The following SLC14A2 variants were observed in gnomAD, a reference collection of about 807,000 sequenced individuals.
SLC14A2 encodes the protein solute carrier family 14 member 2.
A neutral mutation model predicts 104.6 loss-of-function variants in SLC14A2; 91 were observed. The ratio of observed to expected loss-of-function variants is 0.87; its 90% CI spans 0.73 to 1.04. The LOEUF is 1.04. Among genes scored for constraint, SLC14A2 ranks in the 50% least tolerant of loss-of-function variants. The probability of loss-of-function intolerance (pLI) is 0.00; values close to 1 mark genes in which losing one functional copy is unlikely to be tolerated. For synonymous variants in SLC14A2, 476 were observed against 466.4 expected (o/e 1.02, Z -0.27); for missense variants, 1,189 against 1,156.0 (o/e 1.03, Z -0.41).
At chr18:45,621,538 A>T (rs1045213105) in intron 1 of SLC14A2, among the ~76,000 whole-genome samples, 12 of 152,320 alleles carry the variant, frequency 7.9e-5, no homozygotes, top group African/African-American at 2.9e-4. Flanking sequence ...TATGCAGAGA[A>T]GTGTTCCCTA....
At chr18:45,245,607 T>C (rs2084360994) in intron 1 of SLC14A2, among the ~76,000 whole-genome samples, 1 of 152,250 alleles carries the variant, frequency 6.6e-6, no homozygotes, top group Non-Finnish European at 1.5e-5. Flanking sequence ...ACTTGGCCTT[T>C]ACTTTCTGGT....
intron 1 of SLC14A2, among the ~76,000 whole-genome samples, chr18:45,427,431 T>A (rs2086450292): frequency 6.6e-6 from 1 of 152,148 alleles, no homozygotes; most frequent in Admixed American, 6.6e-5. Flanking sequence ...TGCCAGTGTT[T>A]CCCTTGAAGA....
intron 1 of SLC14A2, among the ~76,000 whole-genome samples, chr18:45,369,932 T>C (rs2085704675): frequency 6.6e-6 from 1 of 152,166 alleles, no homozygotes; most frequent in Admixed American, 6.5e-5. Context: ...AAATGTGTAT[T>C]GGTAGATATT....
intron 1 of SLC14A2, among the ~76,000 whole-genome samples, chr18:45,339,543 G>A (rs1237111668): frequency 6.6e-6 from 1 of 152,024 alleles, no homozygotes; most frequent in East Asian, 1.9e-4. Flanking sequence ...CTAGGGTATA[G>A]ATTAAAATGA....
intron 1 of SLC14A2, among the ~76,000 whole-genome samples, chr18:45,263,087 A>G (rs560185532): frequency 1.3e-5 from 2 of 152,318 alleles, no homozygotes; most frequent in South Asian, 4.1e-4. Context: ...CTGTTTCAGA[A>G]TCTAATCCAG....
At chr18:45,376,669 T>C (rs545463346) in intron 1 of SLC14A2, among the ~76,000 whole-genome samples, 8 of 152,260 alleles carry the variant, frequency 5.3e-5, no homozygotes, top group Admixed American at 3.3e-4. Flanking sequence ...GAGATGGTTC[T>C]CGATGGCTTT....
rs2255551 is a variant in SLC14A2 at position 45,378,766 on chromosome 18, T to C, written c.-124-104467T>C. 3.5e-3 allele frequency among the ~76,000 whole-genome samples: 525 copies of C among 151,906 alleles called. 4 individuals are homozygous for C. The highest frequency in any genetic ancestry group is 0.012 in the African/African-American group (504 of 41,288). The stretch of plus-strand genomic sequence containing the variant: ...TGCATTTTGTTTCTGATCATTGCTG[T>C]TGTTGTTGTTGTTGTTGTTTTGTTT... On this transcript the variant is annotated intron_variant, in intron 1 of 20. Transcript: ENST00000586448.
intron 2 of SLC14A2, among the ~76,000 whole-genome samples, chr18:45,599,079 T>C (rs897628748): frequency 2.0e-5 from 3 of 152,328 alleles, no homozygotes; most frequent in African/African-American, 4.8e-5. Context: ...GAGAAAGTCA[T>C]AAACATTCAA....
At chr18:45,663,936 A>ATCCC (rs1283109579) in intron 11 of SLC14A2, 29 bp downstream of exon 11, 3 of 1,589,440 alleles carry the variant, frequency 1.9e-6, no homozygotes, top group Non-Finnish European at 2.6e-6. Flanking sequence ...TCACGCTTGG[A>ATCCC]TCCCTGCCTT....
intron 1 of SLC14A2, among the ~76,000 whole-genome samples, chr18:45,214,326 G>A (rs902124348): frequency 6.6e-5 from 10 of 152,196 alleles, no homozygotes; most frequent in African/African-American, 7.2e-5. Flanking sequence ...TAAGGGGCAA[G>A]TGACGTGCAT....
At chr18:45,338,869 G>A (rs888617265) in intron 1 of SLC14A2, among the ~76,000 whole-genome samples, 4 of 152,000 alleles carry the variant, frequency 2.6e-5, no homozygotes, top group Non-Finnish European at 5.9e-5. Flanking sequence ...ATAGGGGACC[G>A]ATTGGGTTCC....
intron 1 of SLC14A2, among the ~76,000 whole-genome samples, chr18:45,470,864 C>T (rs1209301477): frequency 6.6e-6 from 1 of 152,076 alleles, no homozygotes; most frequent in South Asian, 2.1e-4. Context: ...AAGTGGTAAC[C>T]TTTGACCCTT....
chr18:45,172,725 C>A, the SLC14A2 span, among the ~76,000 whole-genome samples: 2 of 152,092 alleles, frequency 1.3e-5, no homozygotes, highest in East Asian at 3.9e-4. Flanking sequence ...AAGCTTACGA[C>A]AAAATCCTAC....
At chr18:45,326,350 C>T (rs1198987430) in intron 1 of SLC14A2, among the ~76,000 whole-genome samples, 1 of 152,114 alleles carries the variant, frequency 6.6e-6, no homozygotes, top group Non-Finnish European at 1.5e-5. Context: ...TTGGTGGCAC[C>T]TCCTTTGGAT....
At chr18:45,207,234 T>C in the SLC14A2 span, among the ~76,000 whole-genome samples, 2 of 151,756 alleles carry the variant, frequency 1.3e-5, no homozygotes, top group East Asian at 3.9e-4. Flanking sequence ...TATTTGAATG[T>C]TTATAGATTC....
intron 2 of SLC14A2, among the ~76,000 whole-genome samples, chr18:45,551,110 G>A (rs561336237): frequency 6.6e-6 from 1 of 152,276 alleles, no homozygotes; most frequent in Non-Finnish European, 1.5e-5. Flanking sequence ...AACAAGCAAT[G>A]AGTAGCCCTA....
At chr18:45,554,771 T>G (rs62090564) in intron 2 of SLC14A2, among the ~76,000 whole-genome samples, 50,573 of 151,846 alleles carry the variant, frequency 0.33, 9,156 homozygotes, top group East Asian at 0.43. Context: ...AAGAGGGTGT[T>G]GACAAGAGAG....
chr18:45,235,620 C>A (rs541396940), intron 1 of SLC14A2, among the ~76,000 whole-genome samples: 2 of 151,882 alleles, frequency 1.3e-5, no homozygotes, highest in South Asian at 4.1e-4. Flanking sequence ...CTACTCTCTA[C>A]TTTCTGTGAG....
At chr18:45,509,498 G>A (rs2043334172) in intron 2 of SLC14A2, among the ~76,000 whole-genome samples, 1 of 152,028 alleles carries the variant, frequency 6.6e-6, no homozygotes, top group African/African-American at 2.4e-5. Context: ...TAGTTTATTA[G>A]CATGAAAGCA....
Sources: allele counts gnomAD v4.1 joint callset (sites outside exome capture counted in the v4.1 genomes callset), GRCh38; gene constraint gnomAD v4.1.1; transcripts MANE v1.5; gene names NCBI Gene and HGNC (gene_info 2026-07-23, HGNC 2026-07-21).